MICALL2: variants seen among roughly 807,000 people sequenced by gnomAD.
MICALL2 encodes the protein MICAL-like protein 2.
MICALL2 carries 111 observed loss-of-function variants against 91.1 expected under a neutral mutation model. That is an observed-to-expected ratio of 1.22 (90% CI 1.04 to 1.43). MICALL2 has a LOEUF of 1.43. Ranked by LOEUF, MICALL2 falls within the 40% of genes most tolerant of loss-of-function variation. MICALL2 has a pLI of 0.00. For synonymous variants in MICALL2, 694 were observed against 525.3 expected (o/e 1.32, Z -4.39); for missense variants, 1,556 against 1,236.0 (o/e 1.26, Z -3.88).
intron 1 of MICALL2, among the ~76,000 whole-genome samples, chr7:1,455,601 C>T (rs1011240096): frequency 1.4e-5 from 2 of 147,810 alleles, no homozygotes; most frequent in Non-Finnish European, 3.1e-5. Context: ...GGAGCCGGAA[C>T]ATGGTACACA....
At position 1,439,925 on chromosome 7, in the gene MICALL2, C is replaced by A; in HGVS notation, c.1966G>T (p.Ala656Ser). 6.8e-7 allele frequency: 1 copy of A among 1,463,040 alleles called. No homozygotes were observed. Among genetic ancestry groups the A allele is most frequent in the East Asian group, 2.8e-5 (1 of 35,988 alleles). 90.6% of individuals were successfully genotyped at this position (1,463,040 alleles called of 1,614,324 possible). A position where few individuals can be genotyped will look rare whatever the true frequency, so the allele number is the denominator to read the frequency against. The part of the protein sequence containing the change: ...RPASPGPSLP[A>S]RSPSPPRRRR... ...GCCCCTGGGTCCCGTCCAGGAGTAC[C>A]TGGGAGGCTGGGTCCTGGGCTGGCT... Residue 656 changes from alanine (A) to serine (S), a missense_variant and splice_region_variant, in exon 9 of 17, where the codon GCC becomes TCC. Transcript: ENST00000297508.
rs764535712 is a variant in MICALL2 at position 1,439,941 on chromosome 7, T to C, written c.1950A>G (p.Pro650=). The C allele has an allele frequency of 5.4e-6, 8 of 1,486,694 alleles. No homozygotes were observed. The East Asian group carries it at 2.2e-4, about 40-fold the overall frequency. The allele number at this position is 1,486,694 out of a possible 1,614,324, so 92.1% of individuals were successfully genotyped here. A position where few individuals can be genotyped will look rare whatever the true frequency, so the allele number is the denominator to read the frequency against. ...CAGGAGTACCTGGGAGGCTGGGTCCTGGGCTGGCTGGGCGTGGGGTCCTGT... is the reference window on the plus strand; with the variant it reads ...CAGGAGTACCTGGGAGGCTGGGTCCCGGGCTGGCTGGGCGTGGGGTCCTGT... ...RPDRTPRPAS[P]GPSLPARSPS... is the part of the protein sequence containing the mutation. The change falls in exon 9 of 17, where the codon CCA becomes CCG. Residue 650 remains proline (P), a synonymous_variant. Coordinates refer to ENST00000297508, the MANE Select transcript of MICALL2 (RefSeq NM_182924.4).
chr7:1,445,789 G>C (rs978593135), intron 5 of MICALL2, among the ~76,000 whole-genome samples: 1 of 152,168 alleles, frequency 6.6e-6, no homozygotes, highest in South Asian at 2.1e-4. Flanking sequence ...ACCCACCCTG[G>C]CCTCACAGCG....
chr7:1,440,533 G>T, intron 8 of MICALL2, 58 bp downstream of exon 8: 4 of 1,434,732 alleles, frequency 2.8e-6, no homozygotes, highest in Non-Finnish European at 2.9e-6. Context: ...CATACTCACT[G>T]CATTTATTAA....
chr7:1,440,675 G>T lies in MICALL2; in HGVS notation c.1721C>A (p.Thr574Asn). 2 of 1,611,898 alleles carry T rather than the reference G, an allele frequency of 1.2e-6. No individual in the cohort carries two copies. Among genetic ancestry groups the T allele is most frequent in the Non-Finnish European group, 1.7e-6 (2 of 1,179,884 alleles). The change falls in exon 8 of 17, where the codon ACC becomes AAC. Residue 574 changes from threonine (T) to asparagine (N), a missense_variant. Transcript: ENST00000297508. ...GTCCTCCTGGCCTTCCTGGAGGCTGGTGCTCATGTCTGGGTGGGAGGCAAG... is the reference window on the plus strand; with the variant it reads ...GTCCTCCTGGCCTTCCTGGAGGCTGTTGCTCATGTCTGGGTGGGAGGCAAG... The part of the protein sequence containing the change: ...KSTTLTQDMS[T>N]SLQEGQEDGP...
At chr7:1,436,929 C>T in intron 14 of MICALL2, 73 bp from the exon 15 acceptor site, 2 of 1,123,018 alleles carry the variant, frequency 1.8e-6, no homozygotes, top group Non-Finnish European at 2.4e-6. Flanking sequence ...ATGTCCCCAC[C>T]ACCCAAGCGC....
chr7:1,445,480 C>T, intron 5 of MICALL2, 52 bp from the exon 6 acceptor site: 29 of 1,429,568 alleles, frequency 2.0e-5, no homozygotes, highest in Non-Finnish European at 2.7e-5. Flanking sequence ...CACCCCGCCA[C>T]GCATTCACCA....
intron 1 of MICALL2, among the ~76,000 whole-genome samples, chr7:1,455,630 C>G (rs1258653675): frequency 6.7e-6 from 1 of 149,802 alleles, no homozygotes. Flanking sequence ...CGGATCCCCG[C>G]CCCCTCCACC....
chr7:1,436,675 G>A lies in MICALL2; in HGVS notation c.2591+67C>T, dbSNP rs1483028511. 2.4e-6 allele frequency: 3 copies of A among 1,247,948 alleles called. No homozygotes were observed. The African/African-American group carries it at 4.5e-5, about 19-fold the overall frequency. The allele number at this position is 1,247,948 out of a possible 1,614,324, so 77.3% of individuals were successfully genotyped here. ...AAGTTCTACGGGGCTGGCTGACCCT[G>A]AGGGCCGGGAGCATGGACCAGGCGA... On this transcript the variant is annotated intron_variant, in intron 15 of 16. Coordinates refer to ENST00000297508, the MANE Select transcript of MICALL2 (RefSeq NM_182924.4).
chr7:1,437,340 G>GTAAGGTTAAGTACCTTGGCTGAGGA, intron 14 of MICALL2, 195 bp downstream of exon 14: 1 of 575,694 alleles, frequency 1.7e-6, no homozygotes, highest in Non-Finnish European at 3.0e-6. Context: ...CCCAAGCACA[G>GTAAGGTTAAGTACCTTGGCTGAGGA]CAAGGTTAAG....
chr7:1,444,621 A>G (rs1264157978), intron 6 of MICALL2, 31 bp downstream of exon 6: 1 of 1,590,888 alleles, frequency 6.3e-7, no homozygotes. Flanking sequence ...AAGAGGCCAT[A>G]CCCGGGGTCC....
At chr7:1,444,379 C>T (rs1005274460) in intron 6 of MICALL2, among the ~76,000 whole-genome samples, 5 of 152,196 alleles carry the variant, frequency 3.3e-5, no homozygotes, top group Non-Finnish European at 5.9e-5. Flanking sequence ...CAGGGGGCCC[C>T]GGAGCGGCAG....
chr7:1,440,062 C>G lies in MICALL2; in HGVS notation c.1829G>C (p.Arg610Pro). The G allele has an allele frequency of 6.3e-7, 1 of 1,587,906 alleles. No homozygotes were observed. Among genetic ancestry groups the G allele is most frequent in the Non-Finnish European group, 8.5e-7 (1 of 1,171,894 alleles). Residue 610 changes from arginine (R) to proline (P), a missense_variant, in exon 9 of 17, where the codon CGG becomes CCG. Physicochemically the swap from Arg to Pro is moderately radical, Grantham distance 103. Coordinates refer to ENST00000297508, the MANE Select transcript of MICALL2 (RefSeq NM_182924.4). ...CCCCGCCCTCGGCTCTGCCAGGGCC[C>G]GTGGTTCCTTGGGCTTCAGAGTCCT... is the stretch of plus-strand genomic sequence containing the variant. ...AERTLKPKEP[R>P]ALAEPRAGEA...
At chr7:1,436,935 A>C (rs1300716622) in intron 14 of MICALL2, 79 bp from the exon 15 acceptor site, 2 of 1,028,978 alleles carry the variant, frequency 1.9e-6, no homozygotes, top group Non-Finnish European at 1.3e-6. Flanking sequence ...CCACCACCCA[A>C]GCGCCAGGCT....
Position 1,437,981 on chromosome 7 carries a change from C to CAAT in MICALL2, c.2312-2_2312-1insATT. On this transcript the variant is annotated splice_acceptor_variant, in intron 12 of 16. Coordinates refer to ENST00000297508, the MANE Select transcript of MICALL2 (RefSeq NM_182924.4). LOFTEE classifies it high-confidence loss of function. ...ACCATGAGGCTATCCTCAGCGTCATCTGGGGAGAGGAGCCAGCTGGGGCAG... is the reference window on the plus strand; with the variant it reads ...ACCATGAGGCTATCCTCAGCGTCATCAATTGGGGAGAGGAGCCAGCTGGGGCAG... The CAAT allele has an allele frequency of 6.4e-7, 1 of 1,550,808 alleles. No individual in the cohort carries two copies. Among genetic ancestry groups the CAAT allele is most frequent in the Non-Finnish European group, 8.7e-7 (1 of 1,147,612 alleles).
At chr7:1,455,233 C>T (rs1780970385) in intron 1 of MICALL2, among the ~76,000 whole-genome samples, 1 of 152,244 alleles carries the variant, frequency 6.6e-6, no homozygotes, top group Non-Finnish European at 1.5e-5. Context: ...AAGGAGCCAG[C>T]CCATGGCAGA....
chr7:1,438,298 G>A lies in MICALL2; in HGVS notation c.2178C>T (p.Ser726=). ...CCCCACCACTACTCACCCTGACTGGGGAGGTCACCGTCTCGCCAGGCAGAG... is the reference window on the plus strand; with the variant it reads ...CCCCACCACTACTCACCCTGACTGGAGAGGTCACCGTCTCGCCAGGCAGAG... ...VPALPGETVT[S]PVRLHPDYLS... The change falls in exon 11 of 17, where the codon TCC becomes TCT. Residue 726 remains serine (S), a synonymous_variant. Coordinates refer to ENST00000297508, the MANE Select transcript of MICALL2 (RefSeq NM_182924.4). The A allele has an allele frequency of 1.9e-6, 3 of 1,600,824 alleles. No individual in the cohort carries two copies. Among genetic ancestry groups the A allele is most frequent in the South Asian group, 2.3e-5 (2 of 88,850 alleles).
At chr7:1,449,510 C>T (rs1780742135) in intron 2 of MICALL2, among the ~76,000 whole-genome samples, 1 of 152,218 alleles carries the variant, frequency 6.6e-6, no homozygotes, top group Admixed American at 6.5e-5. Flanking sequence ...GAGGTTTCAC[C>T]ATGAACTTGT....
intron 3 of MICALL2, 99 bp from the exon 4 acceptor site, chr7:1,447,864 C>A: frequency 1.0e-6 from 1 of 956,186 alleles, no homozygotes; most frequent in Non-Finnish European, 1.4e-6. Context: ...CCTTGGTGCC[C>A]GGGGGGGACC....
Sources: gnomAD v4.1 joint callset for allele counts (sites outside exome capture counted in the v4.1 genomes callset) on GRCh38, gnomAD v4.1.1 for gene constraint, MANE v1.5 for transcripts, NCBI Gene and HGNC (gene_info 2026-07-23, HGNC 2026-07-21) for gene names.